The following ANXA8 variants were observed in gnomAD, a reference collection of about 807,000 sequenced individuals.
ANXA8 encodes the protein VAC-beta.
In ANXA8, 9 loss-of-function variants were observed where a neutral mutation model predicts 26.8. That is an observed-to-expected ratio of 0.34 (90% CI 0.20 to 0.59). The LOEUF (loss-of-function observed/expected upper bound fraction) is 0.59, where lower values mean the gene tolerates loss of function less well. ANXA8 is among the 20% of genes least tolerant of loss of function. ANXA8 has a pLI of 0.84. For missense variants in ANXA8, 83 were observed against 238.5 expected, an observed-to-expected ratio of 0.35 and a Z score of 4.29; for synonymous variants, 39 against 94.8, an observed-to-expected ratio of 0.41 and a Z score of 3.42.
At chr10:47,951,127 T>C in the ANXA8 span, among the ~76,000 whole-genome samples, 4 of 149,572 alleles carry the variant, frequency 2.7e-5, no homozygotes, top group African/African-American at 1.0e-4. Context: ...ACAGACTATG[T>C]AGAGATTAAA....
chr10:47,548,026 A>G, the ANXA8 span, among the ~76,000 whole-genome samples: 3 of 143,280 alleles, frequency 2.1e-5, no homozygotes, highest in African/African-American at 7.6e-5. Context: ...CAATCATTTC[A>G]AGTATACAAG....
the ANXA8 span, among the ~76,000 whole-genome samples, chr10:47,731,345 CA>C: frequency 1.5e-5 from 2 of 134,656 alleles, no homozygotes; most frequent in African/African-American, 5.7e-5. Context: ...AATAATATGC[CA>C]AAATGCCTTT....
chr10:47,577,243 A>G, the ANXA8 span, among the ~76,000 whole-genome samples: 1 of 136,126 alleles, frequency 7.3e-6, no homozygotes, highest in Non-Finnish European at 1.6e-5. Context: ...AAAAAAAAAA[A>G]CAGGGTTGGG....
At chr10:47,650,005 C>T in the ANXA8 span, among the ~76,000 whole-genome samples, 6 of 150,480 alleles carry the variant, frequency 4.0e-5, no homozygotes, top group African/African-American at 7.4e-5. Flanking sequence ...GTCAGGAGTT[C>T]GAGACCAGTC....
chr10:47,982,826 A>ATAT, the ANXA8 span, among the ~76,000 whole-genome samples: 9 of 71,432 alleles, frequency 1.3e-4, no homozygotes, highest in African/African-American at 4.4e-4. Flanking sequence ...ATATATATAT[A>ATAT]TATATATAAA....
the ANXA8 span, among the ~76,000 whole-genome samples, chr10:47,944,540 C>G: frequency 6.6e-6 from 1 of 150,718 alleles, no homozygotes; most frequent in Non-Finnish European, 1.5e-5. Context: ...CCCATAATTC[C>G]CACATGTCGT....
At chr10:47,671,525 G>A in the ANXA8 span, among the ~76,000 whole-genome samples, 1 of 151,958 alleles carries the variant, frequency 6.6e-6, no homozygotes, top group Non-Finnish European at 1.5e-5. Flanking sequence ...AATTGTTATA[G>A]TATTTTATTG....
the ANXA8 span, among the ~76,000 whole-genome samples, chr10:47,744,410 G>GT: frequency 3.7e-5 from 2 of 53,634 alleles, no homozygotes; most frequent in African/African-American, 1.1e-4. Context: ...AAGGCTCCTG[G>GT]TGGGGGGGGG....
the ANXA8 span, among the ~76,000 whole-genome samples, chr10:47,645,874 T>C: frequency 6.7e-6 from 1 of 149,756 alleles, no homozygotes. Flanking sequence ...CCATCTTCTC[T>C]TATCCTCTGA....
the ANXA8 span, among the ~76,000 whole-genome samples, chr10:47,982,408 T>C: frequency 0.028 from 4,210 of 149,996 alleles, 65 homozygotes; most frequent in African/African-American, 0.096. Flanking sequence ...AAATCCAATA[T>C]TAAACCTTCA....
chr10:47,645,543 GAGAA>G, the ANXA8 span, among the ~76,000 whole-genome samples: 4 of 150,938 alleles, frequency 2.7e-5, no homozygotes, highest in Admixed American at 2.6e-4. Flanking sequence ...GAAAAAGAAA[GAGAA>G]AGAAGAAGAA....
chr10:47,502,909 C>G, the ANXA8 span: 1 of 1,603,986 alleles, frequency 6.2e-7, no homozygotes, highest in Non-Finnish European at 8.5e-7. Flanking sequence ...GTTGTTGGTG[C>G]TTTTCTTCTT....
the ANXA8 span, among the ~76,000 whole-genome samples, chr10:47,653,423 A>G: frequency 6.6e-6 from 1 of 151,296 alleles, no homozygotes. Context: ...GCCAAAATAT[A>G]TTTTGGAGAT....
the ANXA8 span, among the ~76,000 whole-genome samples, chr10:47,743,301 T>TATATACAC: frequency 2.4e-5 from 1 of 41,356 alleles, no homozygotes; most frequent in Non-Finnish European, 5.7e-5. Context: ...TATACACATA[T>TATATACAC]ATATATATAT....
chr10:47,681,530 TTTTTTTTTTTTTTTTTTTA>T, the ANXA8 span, among the ~76,000 whole-genome samples: 45 of 130,262 alleles, frequency 3.5e-4, 1 homozygote, highest in Non-Finnish European at 6.4e-4. Flanking sequence ...TTACTTTTTT[TTTTTTTTTTTTTTTTTTTA>T]GAGACAGTGT....
chr10:47,697,459 C>T, the ANXA8 span, among the ~76,000 whole-genome samples: 1 of 150,626 alleles, frequency 6.6e-6, no homozygotes, highest in African/African-American at 2.5e-5. Flanking sequence ...GAGAAATATA[C>T]TGATTATACA....
chr10:47,702,767 G>A, the ANXA8 span, among the ~76,000 whole-genome samples: 113 of 151,812 alleles, frequency 7.4e-4, 1 homozygote, highest in Non-Finnish European at 1.3e-3. Flanking sequence ...CCAAGTAGCC[G>A]GCACCATAGG....
At chr10:47,548,612 T>A in the ANXA8 span, among the ~76,000 whole-genome samples, 158 of 143,998 alleles carry the variant, frequency 1.1e-3, 18 homozygotes, top group African/African-American at 3.6e-3. Context: ...TTTTTTCTTT[T>A]TTTCTTTTTT....
At chr10:47,762,640 TG>T in the ANXA8 span, 2 of 670,768 alleles carry the variant, frequency 3.0e-6, no homozygotes, top group Non-Finnish European at 4.1e-6. Flanking sequence ...TTACCCGCCA[TG>T]GGGCTGCTCC....
Sources: allele counts gnomAD v4.1 joint callset (sites outside exome capture counted in the v4.1 genomes callset), GRCh38; gene constraint gnomAD v4.1.1; transcripts MANE v1.5; gene names NCBI Gene and HGNC (gene_info 2026-07-23, HGNC 2026-07-21).